The following CEP85L variants were observed in gnomAD, a reference collection of about 807,000 sequenced individuals.
The protein encoded by CEP85L is centrosomal protein 85L, also known as centrosomal protein of 85 kDa-like.
Under a neutral mutation model 100.3 loss-of-function variants are expected in CEP85L, and 60 were observed. The ratio of observed to expected loss-of-function variants is 0.60; its 90% CI spans 0.49 to 0.74. The LOEUF (loss-of-function observed/expected upper bound fraction) is 0.74. Ranked by LOEUF, CEP85L falls within the 30% of genes least tolerant of loss-of-function variation. The pLI, the probability that CEP85L is intolerant of heterozygous loss-of-function variation, is 0.00. For missense variants in CEP85L, 973 were observed against 936.2 expected (o/e 1.04, Z -0.51); for synonymous variants, 319 against 322.7 (o/e 0.99, Z 0.12).
At chr6:118,633,351 C>T (rs1257389304) in intron 1 of CEP85L, among the ~76,000 whole-genome samples, 1 of 151,782 alleles carries the variant, frequency 6.6e-6, no homozygotes, top group Non-Finnish European at 1.5e-5. Flanking sequence ...ACTACAGGTG[C>T]CCACCACCAC....
chr6:118,499,890 A>G (rs1257783055), intron 5 of CEP85L, among the ~76,000 whole-genome samples: 2 of 152,214 alleles, frequency 1.3e-5, no homozygotes, highest in African/African-American at 2.4e-5. Context: ...AACTAATGCA[A>G]TAAGACAAAA....
intron 4 of CEP85L, among the ~76,000 whole-genome samples, chr6:118,515,671 TAAAC>T (rs1451544346): frequency 1.3e-5 from 2 of 152,174 alleles, no homozygotes; most frequent in African/African-American, 4.8e-5. Flanking sequence ...AATCAGAAGA[TAAAC>T]TAAGTATTTT....
At chr6:118,562,458 G>T (rs1010081504) in intron 3 of CEP85L, among the ~76,000 whole-genome samples, 10 of 152,014 alleles carry the variant, frequency 6.6e-5, no homozygotes, top group African/African-American at 2.4e-4. Flanking sequence ...TGAACTCTTG[G>T]GGTGCAAAGG....
chr6:118,545,336 T>A (rs1778133676), intron 3 of CEP85L, among the ~76,000 whole-genome samples: 1 of 152,202 alleles, frequency 6.6e-6, no homozygotes, highest in Non-Finnish European at 1.5e-5. Flanking sequence ...ACGCCTGTAA[T>A]CCCAGCACTT....
intron 5 of CEP85L, among the ~76,000 whole-genome samples, chr6:118,509,331 A>G (rs542198644): frequency 1.4e-3 from 210 of 152,200 alleles, no homozygotes; most frequent in Non-Finnish European, 2.2e-3. Context: ...AAATTGAACA[A>G]TTCTACTAAA....
At chr6:118,669,043 A>G (rs1481551498) in intron 1 of CEP85L, among the ~76,000 whole-genome samples, 2 of 152,236 alleles carry the variant, frequency 1.3e-5, no homozygotes, top group Non-Finnish European at 2.9e-5. Flanking sequence ...GACTTAAGAC[A>G]TTGATAACAA....
At chr6:118,679,517 A>C (rs1776584702) in intron 1 of CEP85L, among the ~76,000 whole-genome samples, 1 of 152,220 alleles carries the variant, frequency 6.6e-6, no homozygotes, top group South Asian at 2.1e-4. Context: ...CAAATTGAAG[A>C]GCAGAATGAT....
chr6:118,519,780 G>GT (rs1776551737), intron 4 of CEP85L, among the ~76,000 whole-genome samples: 1 of 151,894 alleles, frequency 6.6e-6, no homozygotes, highest in Admixed American at 6.6e-5. Flanking sequence ...AAAAATACTA[G>GT]TTGTACACAA....
intron 2 of CEP85L, among the ~76,000 whole-genome samples, chr6:118,596,446 C>T (rs1348995758): frequency 6.6e-6 from 1 of 152,068 alleles, no homozygotes; most frequent in African/African-American, 2.4e-5. Context: ...ACTTGGTAAG[C>T]ACACTTACCA....
At chr6:118,689,045 T>C (rs1466205283) in intron 1 of CEP85L, among the ~76,000 whole-genome samples, 1 of 152,216 alleles carries the variant, frequency 6.6e-6, no homozygotes, top group African/African-American at 2.4e-5. Context: ...CGCTCTTCCC[T>C]TCAGCAGAGA....
intron 3 of CEP85L, among the ~76,000 whole-genome samples, chr6:118,541,566 T>C (rs1420662556): frequency 6.6e-6 from 1 of 152,198 alleles, no homozygotes; most frequent in African/African-American, 2.4e-5. Flanking sequence ...CTAATTTTAC[T>C]CTACAAACTT....
chr6:118,636,783 G>A (rs1774520735), intron 1 of CEP85L, among the ~76,000 whole-genome samples: 1 of 152,050 alleles, frequency 6.6e-6, no homozygotes. Context: ...CTCTTCCTGG[G>A]GCTTGAGCCT....
At chr6:118,703,418 AG>A (rs1210437570) in intron 1 of CEP85L, among the ~76,000 whole-genome samples, 6 of 152,198 alleles carry the variant, frequency 3.9e-5, no homozygotes, top group African/African-American at 1.4e-4. Flanking sequence ...TATAGATAAA[AG>A]CTTTTTGAAC....
intron 2 of CEP85L, among the ~76,000 whole-genome samples, chr6:118,580,718 C>T (rs1023560505): frequency 8.5e-5 from 13 of 152,234 alleles, no homozygotes; most frequent in Non-Finnish European, 1.5e-4. Context: ...CTGGACCAGA[C>T]CCAGCCTCCA....
chr6:118,549,021 T>G (rs776992620), intron 3 of CEP85L, among the ~76,000 whole-genome samples: 2 of 152,008 alleles, frequency 1.3e-5, no homozygotes, highest in Non-Finnish European at 2.9e-5. Context: ...AATTCCATGC[T>G]ATTAATAAAT....
In CEP85L at chr6:118,523,802, C is replaced by A; in HGVS notation, c.1139G>T (p.Arg380Leu). The A allele has an allele frequency of 7.1e-7, 1 of 1,405,076 alleles. No individual in the cohort carries two copies. 87.0% of individuals were successfully genotyped at this position (1,405,076 alleles called of 1,614,324 possible). Residue 380 changes from arginine (R) to leucine (L), a missense_variant and splice_region_variant, in exon 4 of 13, where the codon CGG (arginine) becomes CTG (leucine). This residue lies in a region of CEP85L where 890 missense variants were observed against 844.5 expected (regional missense o/e 1.05). Coordinates refer to ENST00000368491, the MANE Select transcript of CEP85L (RefSeq NM_001042475.3). ...ATTTAATAATTTAAAATAGACTCAC[C>A]GATCGATTACAATTTCTTTCTGCCT... ...LLRQKEIVIDRQKQQITHLHE... is the reference protein window; with the variant it reads ...LLRQKEIVIDLQKQQITHLHE...
At chr6:118,572,625 G>T (rs757610330) in intron 2 of CEP85L, among the ~76,000 whole-genome samples, 1 of 151,820 alleles carries the variant, frequency 6.6e-6, no homozygotes, top group Non-Finnish European at 1.5e-5. Flanking sequence ...TATATTTTTA[G>T]GTAAATATAT....
chr6:118,489,797 A>G (rs1261360976), intron 6 of CEP85L, among the ~76,000 whole-genome samples: 1 of 152,198 alleles, frequency 6.6e-6, no homozygotes, highest in Non-Finnish European at 1.5e-5. Flanking sequence ...TATTTATCCA[A>G]AAGAATTGAA....
chr6:118,528,002 AC>A (rs1393357213), intron 3 of CEP85L, among the ~76,000 whole-genome samples: 1 of 152,074 alleles, frequency 6.6e-6, no homozygotes, highest in African/African-American at 2.4e-5. Context: ...ATTTCCAATG[AC>A]CACACACCAG....
Sources: allele counts gnomAD v4.1 joint callset (sites outside exome capture counted in the v4.1 genomes callset), GRCh38; gene constraint gnomAD v4.1.1; regional missense constraint gnomAD v4.1.1; transcripts MANE v1.5; gene names NCBI Gene and HGNC (gene_info 2026-07-23, HGNC 2026-07-21).